NCOA1: variants seen among roughly 807,000 people sequenced by gnomAD.
NCOA1 encodes Hin-2 protein.
Under a neutral mutation model 150.9 loss-of-function variants are expected in NCOA1, and 35 were observed. That is an observed-to-expected ratio of 0.23 (90% CI 0.18 to 0.31). The LOEUF is 0.31. NCOA1 is among the 10% of genes least tolerant of loss of function. The pLI, the probability that NCOA1 is intolerant of heterozygous loss-of-function variation, is 1.00. For synonymous variants in NCOA1, 590 were observed against 630.0 expected (o/e 0.94, Z 0.95); for missense variants, 1,491 against 1,749.3 (o/e 0.85, Z 2.63).
chr2:24,770,474 A>C lies in NCOA1; in HGVS notation c.*2083A>C. ...TGCACTGTTTGTTTTATGTATGTACAGATTAAAATTATTGCTACATTTGAG... is the reference window on the plus strand; with the variant it reads ...TGCACTGTTTGTTTTATGTATGTACCGATTAAAATTATTGCTACATTTGAG... On this transcript the variant is annotated 3_prime_UTR_variant, in exon 23 of 23. Transcript: ENST00000348332. 1 of 225,336 alleles carries C rather than the reference A, an allele frequency of 4.4e-6. No individual in the cohort carries two copies. Among genetic ancestry groups the C allele is most frequent in the Non-Finnish European group, 8.9e-6 (1 of 112,832 alleles). The allele number at this position is 225,336 out of a possible 1,614,324, so 14.0% of individuals were successfully genotyped here.
intron 19 of NCOA1, among the ~76,000 whole-genome samples, chr2:24,744,460 A>G (rs985696027): frequency 1.3e-5 from 2 of 152,234 alleles, no homozygotes; most frequent in African/African-American, 4.8e-5. Context: ...TAAAGATGCA[A>G]TGTTTTTAAT....
At chr2:24,594,314 A>G (rs780853299) in intron 3 of NCOA1, among the ~76,000 whole-genome samples, 3 of 152,158 alleles carry the variant, frequency 2.0e-5, no homozygotes, top group African/African-American at 7.2e-5. Context: ...GGTATCGTTC[A>G]ACTGAAAAGA....
chr2:24,631,968 G>T (rs1280771617), intron 3 of NCOA1, among the ~76,000 whole-genome samples: 5 of 151,936 alleles, frequency 3.3e-5, no homozygotes, highest in Non-Finnish European at 5.9e-5. Context: ...AAAAATTTTT[G>T]AATAATTACA....
chr2:24,719,559 A>G (rs953922748), intron 14 of NCOA1, among the ~76,000 whole-genome samples: 3 of 152,260 alleles, frequency 2.0e-5, no homozygotes, highest in African/African-American at 2.4e-5. Context: ...ATTTTCAGAT[A>G]TAAAAGACCT....
At chr2:24,747,490 C>T (rs1197812647) in intron 19 of NCOA1, among the ~76,000 whole-genome samples, 2 of 151,608 alleles carry the variant, frequency 1.3e-5, no homozygotes, top group South Asian at 2.1e-4. Context: ...CCACTGTGCC[C>T]GGCTAACTAT....
In NCOA1 at chr2:24,575,873, G is replaced by A. The variant is rs531542408; in HGVS notation, c.-259-8603G>A. On this transcript the variant is annotated intron_variant, in intron 2 of 22. Transcript: ENST00000348332. The stretch of plus-strand genomic sequence containing the variant: ...CAGGTGTGAGCCACCGCTCTCGGCC[G>A]AAGAGGCCATTCTTTTAAGTAATGT... Among the ~76,000 whole-genome samples the A allele has an allele frequency of 1.5e-4, 23 of 152,138 alleles. No homozygotes were observed. In the South Asian group the frequency reaches 4.8e-3, roughly 32 times the overall value.
At chr2:24,649,986 A>G (rs1037561107) in intron 4 of NCOA1, among the ~76,000 whole-genome samples, 2 of 152,204 alleles carry the variant, frequency 1.3e-5, no homozygotes, top group Non-Finnish European at 2.9e-5. Flanking sequence ...AAAAAGCACT[A>G]TAAGAAAAAT....
intron 1 of NCOA1, among the ~76,000 whole-genome samples, chr2:24,508,501 A>G (rs1242972651): frequency 4.6e-5 from 7 of 152,078 alleles, no homozygotes; most frequent in African/African-American, 1.7e-4. Flanking sequence ...TAGCATAATC[A>G]CTTCCCCAAG....
intron 3 of NCOA1, among the ~76,000 whole-genome samples, chr2:24,630,419 T>C (rs888671497): frequency 1.3e-4 from 20 of 152,272 alleles, no homozygotes; most frequent in Admixed American, 4.6e-4. Flanking sequence ...GATTCTATTA[T>C]TGATGGGCAT....
intron 21 of NCOA1, 42 bp from the exon 22 acceptor site, chr2:24,762,645 A>G (rs1246897021): frequency 6.4e-7 from 1 of 1,570,110 alleles, no homozygotes; most frequent in Non-Finnish European, 8.7e-7. Flanking sequence ...TTTCAGTTTA[A>G]ACAACTAGCT....
chr2:24,675,975 G>T (rs554388069), intron 7 of NCOA1, among the ~76,000 whole-genome samples: 1 of 152,102 alleles, frequency 6.6e-6, no homozygotes, highest in Admixed American at 6.5e-5. Context: ...TCTATCCTTA[G>T]CCCAGATCTG....
chr2:24,742,194 G>A lies in NCOA1; in HGVS notation c.3706+8G>A. The A allele has an allele frequency of 1.2e-6, 2 of 1,602,270 alleles. No homozygotes were observed. Among genetic ancestry groups the A allele is most frequent in the Non-Finnish European group, 1.7e-6 (2 of 1,173,982 alleles). ...TCCAGTATCCAGGAGCAGGTAGGAA[G>A]GTCACAACTTTATGTTGTTCTAAGT... On this transcript the variant is annotated splice_region_variant and intron_variant, in intron 19 of 22. Transcript: ENST00000348332.
At chr2:24,737,426 A>G (rs1182593384) in intron 17 of NCOA1, among the ~76,000 whole-genome samples, 3 of 152,168 alleles carry the variant, frequency 2.0e-5, no homozygotes, top group Non-Finnish European at 4.4e-5. Flanking sequence ...TTCTACTTCT[A>G]AAAAAGAGCC....
At chr2:24,632,132 T>A (rs6712685) in intron 3 of NCOA1, among the ~76,000 whole-genome samples, 4,254 of 152,238 alleles carry the variant, frequency 0.028, 63 homozygotes, top group African/African-American at 0.042. Context: ...AAGGATTTTT[T>A]AAAAGTCATA....
chr2:24,531,222 G>C (rs528012808), intron 1 of NCOA1, among the ~76,000 whole-genome samples: 1 of 152,216 alleles, frequency 6.6e-6, no homozygotes, highest in East Asian at 1.9e-4. Flanking sequence ...ACACGACCCA[G>C]CAATCCCCCT....
chr2:24,492,616 G>A (rs1663026103), intron 1 of NCOA1, among the ~76,000 whole-genome samples: 1 of 152,148 alleles, frequency 6.6e-6, no homozygotes, highest in Non-Finnish European at 1.5e-5. Flanking sequence ...TCTCATGCTT[G>A]GCCCTCCTCG....
intron 3 of NCOA1, among the ~76,000 whole-genome samples, chr2:24,608,086 A>C (rs1303350087): frequency 2.0e-5 from 3 of 151,932 alleles, no homozygotes; most frequent in African/African-American, 7.2e-5. Context: ...AGAAGATTTT[A>C]AACTGTTGAT....
intron 8 of NCOA1, 50 bp downstream of exon 8, chr2:24,683,178 C>A (rs745988715): frequency 8.6e-7 from 1 of 1,164,194 alleles, no homozygotes; most frequent in Non-Finnish European, 1.2e-6. Context: ...TGTATCTTCT[C>A]CTTATATAAT....
chr2:24,588,906 T>C (rs1044389487), intron 3 of NCOA1, among the ~76,000 whole-genome samples: 2 of 152,218 alleles, frequency 1.3e-5, no homozygotes, highest in African/African-American at 4.8e-5. Context: ...ATATAGCTTC[T>C]TTATTTTTCT....
Sources: gnomAD v4.1 joint callset for allele counts (sites outside exome capture counted in the v4.1 genomes callset) on GRCh38, gnomAD v4.1.1 for gene constraint, MANE v1.5 for transcripts, NCBI Gene and HGNC (gene_info 2026-07-23, HGNC 2026-07-21) for gene names.